Variants in CFAP53 observed in about 807,000 individuals in gnomAD.
CFAP53 encodes cilia and flagella associated protein 53.
A neutral mutation model predicts 59.7 loss-of-function variants in CFAP53; 62 were observed. The observed-to-expected ratio is 1.04, with a 90% CI of 0.85 to 1.28. The LOEUF (loss-of-function observed/expected upper bound fraction) is 1.28, where lower values mean the gene tolerates loss of function less well. CFAP53 is among the 50% of genes most tolerant of loss of function. CFAP53 has a pLI of 0.00. For synonymous variants in CFAP53, 218 were observed against 205.7 expected, an observed-to-expected ratio of 1.06 and a Z score of -0.51; for missense variants, 629 against 615.6, an observed-to-expected ratio of 1.02 and a Z score of -0.23.
rs1237075088 is a variant in CFAP53, at chr18:50,266,415, C to A, written c.-11G>T. The stretch of plus-strand genomic sequence containing the variant: ...CCGCTGGCTGTACATTTTCGAGTCC[C>A]CTTCGGGACGGGGGCGGCGTCCGCC... On this transcript the variant is annotated 5_prime_UTR_variant, in exon 1 of 8. Transcript: ENST00000398545. 6.2e-7 allele frequency: 1 copy of A among 1,614,172 alleles called. No homozygotes were observed. The highest frequency in any genetic ancestry group is 2.2e-5 in the East Asian group (1 of 44,888).
At chr18:50,253,307 C>T (rs117607930) in intron 3 of CFAP53, among the ~76,000 whole-genome samples, 2,167 of 152,294 alleles carry the variant, frequency 0.014, 30 homozygotes, top group South Asian at 0.057. Context: ...TGAGCCACTG[C>T]GCCCAGCCGT....
intron 5 of CFAP53, among the ~76,000 whole-genome samples, chr18:50,248,146 A>AAC (rs2033763311): frequency 6.6e-6 from 1 of 151,620 alleles, no homozygotes; most frequent in African/African-American, 2.4e-5. Context: ...AAAAAAAAAA[A>AAC]CAGAAAATGG....
intron 7 of CFAP53, among the ~76,000 whole-genome samples, chr18:50,229,738 TTCTTTTTTTTTTTTTC>T (rs1568149379): frequency 3.5e-4 from 5 of 14,248 alleles, no homozygotes; most frequent in Non-Finnish European, 8.7e-4. Context: ...TTTTTTCTTT[TTCTTTTTTTTTTTTTC>T]AGACAGGGTC....
At chr18:50,258,557 A>G (rs1197702117) in intron 3 of CFAP53, among the ~76,000 whole-genome samples, 1 of 152,186 alleles carries the variant, frequency 6.6e-6, no homozygotes, top group African/African-American at 2.4e-5. Context: ...AGATTTCTTG[A>G]GCAATACCCT....
intron 3 of CFAP53, 60 bp from the exon 4 acceptor site, chr18:50,251,844 G>A: frequency 7.2e-7 from 1 of 1,391,562 alleles, no homozygotes; most frequent in South Asian, 1.2e-5. Flanking sequence ...GCTCTATTGA[G>A]GCACACATCT....
At chr18:50,256,570 T>C (rs1193650316) in intron 3 of CFAP53, 1 of 152,140 alleles carries the variant, frequency 6.6e-6, no homozygotes, top group Non-Finnish European at 1.5e-5. Flanking sequence ...CCCTCTCCTT[T>C]TGAGAGGGAA....
chr18:50,230,835 A>C (rs1448414897), intron 7 of CFAP53, among the ~76,000 whole-genome samples: 1 of 152,216 alleles, frequency 6.6e-6, no homozygotes, highest in Non-Finnish European at 1.5e-5. Context: ...ATCAGAAATA[A>C]AGATAATAGA....
chr18:50,254,926 A>G (rs2033834020), intron 3 of CFAP53, among the ~76,000 whole-genome samples: 1 of 152,222 alleles, frequency 6.6e-6, no homozygotes, highest in African/African-American at 2.4e-5. Context: ...ATGATCCAGC[A>G]ATAGTATATG....
intron 1 of CFAP53, among the ~76,000 whole-genome samples, chr18:50,266,070 T>A (rs749919202): frequency 2.0e-5 from 3 of 152,132 alleles, no homozygotes; most frequent in Non-Finnish European, 4.4e-5. Context: ...TAGTGGTGAT[T>A]CTCCAAAAAC....
At position 50,262,026 on chromosome 18, in the gene CFAP53, T is replaced by TG; in HGVS notation, c.262dup (p.Gln88ProfsTer6). The TG allele has an allele frequency of 6.2e-7, 1 of 1,614,152 alleles. No individual in the cohort carries two copies. Among genetic ancestry groups the TG allele is most frequent in the East Asian group, 2.2e-5 (1 of 44,888 alleles). On this transcript the variant is annotated frameshift_variant, in exon 2 of 8. Transcript: ENST00000398545. LOFTEE classifies it high-confidence loss of function. ...TTCTTCAATGTTAATGATAAACCCTTGCACAGCATCCTTGATTCTTGCTCG... is the reference window on the plus strand; with the variant it reads ...TTCTTCAATGTTAATGATAAACCCTTGGCACAGCATCCTTGATTCTTGCTCG...
intron 6 of CFAP53, among the ~76,000 whole-genome samples, chr18:50,240,100 C>A (rs2033674745): frequency 6.6e-6 from 1 of 152,172 alleles, no homozygotes; most frequent in Non-Finnish European, 1.5e-5. Flanking sequence ...CTGCTCCACC[C>A]TGACTCATTC....
At chr18:50,249,734 T>A (rs2033779877) in intron 5 of CFAP53, among the ~76,000 whole-genome samples, 2 of 152,160 alleles carry the variant, frequency 1.3e-5, no homozygotes, top group Middle Eastern at 3.4e-3. Context: ...AGTAGGTGTG[T>A]CTATAAAAGG....
At chr18:50,262,625 C>T (rs918480630) in intron 1 of CFAP53, among the ~76,000 whole-genome samples, 1 of 152,120 alleles carries the variant, frequency 6.6e-6, no homozygotes, top group African/African-American at 2.4e-5. Context: ...CTCATTATTC[C>T]ACATTATTTC....
chr18:50,228,731 C>A (rs1408036037), intron 7 of CFAP53, among the ~76,000 whole-genome samples: 1 of 152,120 alleles, frequency 6.6e-6, no homozygotes, highest in South Asian at 2.1e-4. Flanking sequence ...GCGGAGGTTG[C>A]AGTGAGCCAA....
intron 3 of CFAP53, among the ~76,000 whole-genome samples, chr18:50,252,325 T>C (rs2033809174): frequency 6.6e-6 from 1 of 152,096 alleles, no homozygotes; most frequent in Non-Finnish European, 1.5e-5. Flanking sequence ...AGGATGGTCT[T>C]GATCTCCTGA....
chr18:50,229,750 TTTTC>T (rs1176593021), intron 7 of CFAP53, among the ~76,000 whole-genome samples: 13 of 150,560 alleles, frequency 8.6e-5, no homozygotes, highest in African/African-American at 2.2e-4. Context: ...CTTTTTTTTT[TTTTC>T]AGACAGGGTC....
intron 7 of CFAP53, among the ~76,000 whole-genome samples, chr18:50,235,996 C>G (rs2033629396): frequency 6.6e-6 from 1 of 152,218 alleles, no homozygotes; most frequent in South Asian, 2.1e-4. Context: ...CTGGTGGAAC[C>G]AGGATAAAGC....
rs1399568599 is a variant in CFAP53, at chr18:50,242,915, G to T, written c.1198C>A (p.Gln400Lys). ...VDEVMCTRKL[Q>K]VQEKLQREAK... ...AGTTCCTTACACTTTTCTTGAACTT[G>T]AAGTTTTCTTGTACACATGACCTCA... The change falls in exon 6 of 8, where the codon CAA (glutamine) becomes AAA (lysine). Residue 400 changes from glutamine (Q) to lysine (K), a missense_variant. By Grantham distance (53) the Gln-to-Lys change is moderately conservative. Coordinates refer to ENST00000398545, the MANE Select transcript of CFAP53 (RefSeq NM_145020.5). 4 of 1,613,156 alleles carry T rather than the reference G, an allele frequency of 2.5e-6. No individual in the cohort carries two copies. The highest frequency in any genetic ancestry group is 3.4e-6 in the Non-Finnish European group (4 of 1,179,872).
intron 3 of CFAP53, chr18:50,256,071 GTTTC>G (rs1193578460): frequency 2.0e-5 from 3 of 152,106 alleles, no homozygotes; most frequent in East Asian, 1.9e-4. Flanking sequence ...GGATACATTC[GTTTC>G]TTTAAGATTT....
Sources: gnomAD v4.1 joint callset for allele counts (sites outside exome capture counted in the v4.1 genomes callset) on GRCh38, gnomAD v4.1.1 for gene constraint, MANE v1.5 for transcripts, NCBI Gene and HGNC (gene_info 2026-07-23, HGNC 2026-07-21) for gene names.